SLC5A9: variants seen among roughly 807,000 people sequenced by gnomAD.
SLC5A9 encodes solute carrier family 5 member 9.
In SLC5A9, 59 loss-of-function variants were observed where a neutral mutation model predicts 70.9. That is an observed-to-expected ratio of 0.83 (90% CI 0.68 to 1.03). SLC5A9 has a LOEUF of 1.03. Among genes scored for constraint, SLC5A9 ranks in the 50% least tolerant of loss-of-function variants. The pLI, the probability that SLC5A9 is intolerant of heterozygous loss-of-function variation, is 0.00. For missense variants in SLC5A9, 832 were observed against 881.1 expected (o/e 0.94, Z 0.71); for synonymous variants, 340 against 346.5 (o/e 0.98, Z 0.21).
chr1:48,245,486 C>T (rs1192756189), intron 13 of SLC5A9, among the ~76,000 whole-genome samples: 1 of 152,100 alleles, frequency 6.6e-6, no homozygotes, highest in Non-Finnish European at 1.5e-5. Context: ...GAGAAACCTA[C>T]CCCCCTTCAC....
intron 9 of SLC5A9, 36 bp from the exon 10 acceptor site, chr1:48,235,693 G>C: frequency 3.1e-6 from 5 of 1,612,312 alleles, no homozygotes; most frequent in Non-Finnish European, 4.2e-6. Context: ...CGGCCTTAAT[G>C]GGCCAGCCGT....
At chr1:48,241,700 T>C (rs1365301712) in intron 12 of SLC5A9, among the ~76,000 whole-genome samples, 1 of 133,462 alleles carries the variant, frequency 7.5e-6, no homozygotes, top group Non-Finnish European at 1.7e-5. Flanking sequence ...TGTGTGTACA[T>C]GTTCTCTCTC....
At position 48,235,807 on chromosome 1, in the gene SLC5A9, C is replaced by A; in HGVS notation, c.1220C>A (p.Thr407Asn). 1 of 1,614,226 alleles carries A rather than the reference C, an allele frequency of 6.2e-7. No homozygotes were observed. The highest frequency in any genetic ancestry group is 8.5e-7 in the Non-Finnish European group (1 of 1,180,040). Residue 407 changes from threonine (T) to asparagine (N), a missense_variant, in exon 10 of 14, where the codon ACC becomes AAC. Coordinates refer to ENST00000438567, the MANE Select transcript of SLC5A9 (RefSeq NM_001011547.3). ...ACCTCCATCTTCAACAGCAGCAGCA[C>A]CCTGTTCACCATTGATGTGTGGCAG... is the stretch of plus-strand genomic sequence containing the variant. ...SLTSIFNSSS[T>N]LFTIDVWQRF...
intron 2 of SLC5A9, among the ~76,000 whole-genome samples, chr1:48,227,456 G>T (rs1207042065): frequency 7.2e-6 from 1 of 139,620 alleles, no homozygotes; most frequent in Non-Finnish European, 1.5e-5. Flanking sequence ...ATGTGTGAGA[G>T]AGTGTGTGTA....
chr1:48,241,070 C>T (rs1210813932), intron 12 of SLC5A9: 1 of 152,264 alleles, frequency 6.6e-6, no homozygotes, highest in Non-Finnish European at 1.5e-5. Flanking sequence ...GCCTACCCTT[C>T]CAATCACTCT....
intron 13 of SLC5A9, among the ~76,000 whole-genome samples, chr1:48,246,638 T>G (rs1284772165): frequency 6.6e-6 from 1 of 152,214 alleles, no homozygotes; most frequent in Non-Finnish European, 1.5e-5. Context: ...AGCCCGTGTC[T>G]GCATGGGTTC....
chr1:48,230,238 T>G (rs757287901), intron 4 of SLC5A9, among the ~76,000 whole-genome samples: 1 of 152,160 alleles, frequency 6.6e-6, no homozygotes, highest in Non-Finnish European at 1.5e-5. Flanking sequence ...AGCCAGCAAC[T>G]CTCCGGTTCT....
Position 48,230,671 on chromosome 1 carries a change from C to T in SLC5A9, c.576C>T (p.Ile192=). The T allele has an allele frequency of 1.2e-6, 2 of 1,613,862 alleles. No individual in the cohort carries two copies. Among genetic ancestry groups the T allele is most frequent in the South Asian group, 1.1e-5 (1 of 91,072 alleles). ...GGAACCTGTACCTCTCCACAGGGATCCTGCTGGTGGTGACTGCCGTCTACA... is the reference window on the plus strand; with the variant it reads ...GGAACCTGTACCTCTCCACAGGGATTCTGCTGGTGGTGACTGCCGTCTACA... ...LGWNLYLSTG[I]LLVVTAVYTI... is the part of the protein sequence containing the mutation. The change falls in exon 5 of 14, where the codon ATC becomes ATT. Residue 192 remains isoleucine, a synonymous_variant. Coordinates refer to ENST00000438567, the MANE Select transcript of SLC5A9 (RefSeq NM_001011547.3).
intron 12 of SLC5A9, among the ~76,000 whole-genome samples, chr1:48,241,732 C>T (rs966782819): frequency 1.3e-5 from 2 of 151,926 alleles, no homozygotes; most frequent in Non-Finnish European, 2.9e-5. Flanking sequence ...CTCTCTTTCT[C>T]TATCTCTTTC....
chr1:48,225,936 CCTT>C (rs1644139935), intron 2 of SLC5A9, among the ~76,000 whole-genome samples: 1 of 152,146 alleles, frequency 6.6e-6, no homozygotes, highest in Admixed American at 6.5e-5. Flanking sequence ...CCACCCTTCT[CCTT>C]CTCACCACCT....
Position 48,232,375 on chromosome 1 carries a change from G to T in SLC5A9, c.906G>T (p.Val302=). The T allele has an allele frequency of 6.2e-7, 1 of 1,614,110 alleles. No homozygotes were observed. The highest frequency in any genetic ancestry group is 8.5e-7 in the Non-Finnish European group (1 of 1,180,022). ...ATTTGCTGCCCTTTCAGGTCATTGT[G>T]CAGCGGTCTCTCTCGGCCAAGAGTC... ...TWCWCTDQVI[V]QRSLSAKSLS... is the part of the protein sequence containing the mutation. The change falls in exon 8 of 14, where the codon GTG becomes GTT. Residue 302 remains valine (V), a synonymous_variant. Transcript: ENST00000438567.
At chr1:48,231,824 T>G in intron 6 of SLC5A9, 122 bp from the exon 7 acceptor site, 1 of 1,537,044 alleles carries the variant, frequency 6.5e-7, no homozygotes, top group Non-Finnish European at 8.8e-7. Context: ...CCCATCTTCC[T>G]CCTTCACCCC....
intron 10 of SLC5A9, among the ~76,000 whole-genome samples, chr1:48,236,791 C>T (rs1489069480): frequency 6.6e-6 from 1 of 152,164 alleles, no homozygotes; most frequent in Non-Finnish European, 1.5e-5. Flanking sequence ...CATCTGTGCA[C>T]CCCCAGCCCT....
At chr1:48,242,639 A>T in intron 13 of SLC5A9, 23 bp downstream of exon 13, 2 of 1,592,300 alleles carry the variant, frequency 1.3e-6, no homozygotes, top group Non-Finnish European at 1.7e-6. Context: ...AGGCCGGGGG[A>T]TACTCATCAC....
intron 5 of SLC5A9, 52 bp from the exon 6 acceptor site, chr1:48,231,491 CAG>C: frequency 6.2e-7 from 1 of 1,606,320 alleles, no homozygotes; most frequent in Non-Finnish European, 8.5e-7. Flanking sequence ...GGCAGGCAGC[CAG>C]AGAGGACCCC....
chr1:48,244,888 A>G (rs754147004), intron 13 of SLC5A9, among the ~76,000 whole-genome samples: 1,748 of 98,650 alleles, frequency 0.018, 494 homozygotes, highest in Non-Finnish European at 0.024. Context: ...GTATATATAT[A>G]TATATATATA....
chr1:48,231,721 C>G, intron 6 of SLC5A9, 96 bp downstream of exon 6: 5 of 1,545,696 alleles, frequency 3.2e-6, no homozygotes, highest in Non-Finnish European at 4.4e-6. Context: ...CTTTCCAGTG[C>G]ATAGAGCCAT....
At position 48,230,722 on chromosome 1, in the gene SLC5A9, G is replaced by C; in HGVS notation, c.610+17G>C. On this transcript the variant is annotated intron_variant, in intron 5 of 13. Coordinates refer to ENST00000438567, the MANE Select transcript of SLC5A9 (RefSeq NM_001011547.3). Reference sequence around the variant, plus strand: ...CCATTGCAGGTAGGCAGAGGGAAGAGGGCAAGAGGAAAGCTTCTGACTGGC... The same window carrying C: ...CCATTGCAGGTAGGCAGAGGGAAGACGGCAAGAGGAAAGCTTCTGACTGGC... 2 of 1,589,952 alleles carry C rather than the reference G, an allele frequency of 1.3e-6. No homozygotes were observed. Among genetic ancestry groups the C allele is most frequent in the Non-Finnish European group, 1.7e-6 (2 of 1,158,560 alleles).
chr1:48,230,566 G>T (rs370297285), intron 4 of SLC5A9, 34 bp from the exon 5 acceptor site: 1 of 1,525,338 alleles, frequency 6.6e-7, no homozygotes, highest in African/African-American at 1.4e-5. Flanking sequence ...AGGGCCTCGG[G>T]TGGTCTGGCC....
Sources: allele counts gnomAD v4.1 joint callset (sites outside exome capture counted in the v4.1 genomes callset), GRCh38; gene constraint gnomAD v4.1.1; transcripts MANE v1.5; gene names NCBI Gene and HGNC (gene_info 2026-07-23, HGNC 2026-07-21).